Variants in ADCY7 observed in about 807,000 individuals in gnomAD.
The protein encoded by ADCY7 is adenylate cyclase 7.
A neutral mutation model predicts 120.6 loss-of-function variants in ADCY7; 72 were observed. That is an observed-to-expected ratio of 0.60 (90% CI 0.49 to 0.73). ADCY7 has a LOEUF of 0.73. ADCY7 is among the 30% of genes least tolerant of loss of function. The pLI is 0.00. For synonymous variants in ADCY7, 661 were observed against 628.0 expected (o/e 1.05, Z -0.78); for missense variants, 1,227 against 1,486.0 (o/e 0.83, Z 2.87).
chr16:50,249,334 G>A (rs184557022), intron 1 of ADCY7, among the ~76,000 whole-genome samples: 59 of 152,240 alleles, frequency 3.9e-4, no homozygotes, highest in Admixed American at 3.8e-3. Flanking sequence ...CAGCTACTTG[G>A]GAGGCTGAGG....
At chr16:50,283,127 C>T (rs1159329651) in intron 1 of ADCY7, among the ~76,000 whole-genome samples, 8 of 152,304 alleles carry the variant, frequency 5.3e-5, no homozygotes, top group South Asian at 4.1e-4. Context: ...TGAGGGGCCA[C>T]GGGTGCTTGT....
chr16:50,307,995 C>CAAAA (rs34191947), intron 15 of ADCY7, among the ~76,000 whole-genome samples: 12 of 64,868 alleles, frequency 1.8e-4, no homozygotes, highest in Non-Finnish European at 2.2e-4. Context: ...GACTCCATCT[C>CAAAA]AAAAAAAAAA....
intron 1 of ADCY7, among the ~76,000 whole-genome samples, chr16:50,283,439 T>C (rs1329241310): frequency 6.6e-6 from 1 of 152,234 alleles, no homozygotes; most frequent in East Asian, 1.9e-4. Flanking sequence ...CCTCTTTCCC[T>C]GGGTCAGCAG....
At chr16:50,312,508 T>C (rs2036544497) in intron 21 of ADCY7, among the ~76,000 whole-genome samples, 1 of 152,254 alleles carries the variant, frequency 6.6e-6, no homozygotes, top group African/African-American at 2.4e-5. Context: ...GTTTGTGATC[T>C]GGACATTCTG....
chr16:50,249,916 C>T (rs2032704070), intron 1 of ADCY7, among the ~76,000 whole-genome samples: 1 of 149,248 alleles, frequency 6.7e-6, no homozygotes, highest in Non-Finnish European at 1.5e-5. Flanking sequence ...AGCCCCTGTT[C>T]AGTTAACAAC....
At chr16:50,290,169 C>G (rs948502568) in intron 2 of ADCY7, among the ~76,000 whole-genome samples, 2 of 152,200 alleles carry the variant, frequency 1.3e-5, no homozygotes, top group South Asian at 4.1e-4. Flanking sequence ...GCACAGAGCA[C>G]CGTGGGAACC....
chr16:50,296,593 T>A (rs935391216), intron 7 of ADCY7, among the ~76,000 whole-genome samples: 1 of 152,060 alleles, frequency 6.6e-6, no homozygotes, highest in African/African-American at 2.4e-5. Context: ...CCTGACCTTG[T>A]GATCCGCCTG....
intron 10 of ADCY7, 101 bp from the exon 11 acceptor site, chr16:50,304,259 G>A: frequency 8.5e-7 from 1 of 1,171,882 alleles, no homozygotes; most frequent in Non-Finnish European, 1.1e-6. Context: ...ACGGGCTCAG[G>A]GCGGCGTCAC....
chr16:50,305,902 G>A, intron 14 of ADCY7, 53 bp downstream of exon 14: 1 of 1,571,754 alleles, frequency 6.4e-7, no homozygotes, highest in South Asian at 1.1e-5. Flanking sequence ...CCAGGCCTGG[G>A]GTAGGGTGGG....
intron 1 of ADCY7, among the ~76,000 whole-genome samples, chr16:50,247,332 T>C (rs76084343): frequency 0.065 from 9,830 of 152,038 alleles, 414 homozygotes; most frequent in Non-Finnish European, 0.098. Flanking sequence ...GTGAGAACCC[T>C]GCATGGTGAG....
intron 1 of ADCY7, among the ~76,000 whole-genome samples, chr16:50,276,194 G>A (rs1016334238): frequency 6.6e-6 from 1 of 152,230 alleles, no homozygotes; most frequent in African/African-American, 2.4e-5. Context: ...GGCCCTACAT[G>A]GAGGGGTCAG....
intron 6 of ADCY7, among the ~76,000 whole-genome samples, chr16:50,294,007 G>A (rs902864207): frequency 1.3e-5 from 2 of 151,842 alleles, no homozygotes; most frequent in Non-Finnish European, 2.9e-5. Context: ...TGGGTCCCAG[G>A]AGACCCCCTG....
chr16:50,247,113 A>G (rs2032614324), intron 1 of ADCY7, among the ~76,000 whole-genome samples: 1 of 152,238 alleles, frequency 6.6e-6, no homozygotes, highest in South Asian at 2.1e-4. Flanking sequence ...ACTCCGGGTG[A>G]GGCTACAGCT....
upstream of ADCY7, among the ~76,000 whole-genome samples, chr16:50,263,954 C>G (rs767193164): frequency 6.6e-6 from 1 of 152,192 alleles, no homozygotes; most frequent in African/African-American, 2.4e-5. Context: ...CATACGCAAA[C>G]GGGTATCCCT....
rs767614273 is a variant in ADCY7, at chr16:50,312,188, C to G, written c.2601C>G (p.Asn867Lys). The change falls in exon 21 of 26, where the codon AAC becomes AAG. Residue 867 changes from asparagine (N) to lysine (K), a missense_variant. Transcript: ENST00000673801. The part of the protein sequence containing the change: ...VAAHFIGDKL[N>K]EDWYHQSYDC... ...CCCACTTTATCGGTGACAAGTTAAA[C>G]GAGGTGTGCTGAGAAGGGGCTGGGG... 1 of 1,612,406 alleles carries G rather than the reference C, an allele frequency of 6.2e-7. No homozygotes were observed. The highest frequency in any genetic ancestry group is 1.1e-5 in the South Asian group (1 of 90,990).
chr16:50,300,101 T>A (rs112132775), intron 8 of ADCY7, among the ~76,000 whole-genome samples: 2 of 152,154 alleles, frequency 1.3e-5, no homozygotes, highest in Non-Finnish European at 2.9e-5. Flanking sequence ...ATTTATTTAT[T>A]TGAGATGGAG....
intron 21 of ADCY7, 45 bp from the exon 22 acceptor site, chr16:50,312,845 C>CCT: frequency 6.2e-7 from 1 of 1,607,742 alleles, no homozygotes; most frequent in South Asian, 1.1e-5. Flanking sequence ...CTTCCTGTCC[C>CCT]CTCAAGAGGT....
Position 50,309,753 on chromosome 16 carries a change from G to C in ADCY7, c.2160+107G>C, listed in dbSNP as rs147665582. The stretch of plus-strand genomic sequence containing the variant: ...ATGGGTGCTGACCCCTGAGAGCACA[G>C]CATGTGGAGGCTGAGAACAGCCTCT... On this transcript the variant is annotated intron_variant, in intron 18 of 25. Transcript: ENST00000673801. The C allele has an allele frequency of 1.2e-3, 1,200 of 967,152 alleles. 8 individuals carry two copies. The African/African-American group carries it at 0.017, about 14-fold the overall frequency. The allele number at this position is 967,152 out of a possible 1,614,324, so 59.9% of individuals were successfully genotyped here.
chr16:50,300,009 G>A (rs546896841), intron 8 of ADCY7, among the ~76,000 whole-genome samples: 1 of 152,276 alleles, frequency 6.6e-6, no homozygotes, highest in East Asian at 1.9e-4. Context: ...CCCATGGTCT[G>A]GGCCCCTGTG....
Sources: allele counts gnomAD v4.1 joint callset (sites outside exome capture counted in the v4.1 genomes callset), GRCh38; gene constraint gnomAD v4.1.1; transcripts MANE v1.5; gene names NCBI Gene and HGNC (gene_info 2026-07-23, HGNC 2026-07-21).